CLDN14: variants seen among roughly 807,000 people sequenced by gnomAD.
CLDN14 encodes the protein claudin-14.
Under a neutral mutation model 2.1 loss-of-function variants are expected in CLDN14, and 2 were observed. The observed-to-expected ratio is 0.96, with a 90% CI of 0.39 to 3.01. CLDN14 has a LOEUF of 3.01. Ranked by LOEUF, CLDN14 falls within the 30% of genes most tolerant of loss-of-function variation. The pLI is 0.09. For missense variants in CLDN14, 298 were observed against 328.0 expected (o/e 0.91, Z 0.71); for synonymous variants, 136 against 154.4 (o/e 0.88, Z 0.88).
chr21:36,495,271 G>A (rs759472829), intron 2 of CLDN14, among the ~76,000 whole-genome samples: 18 of 152,346 alleles, frequency 1.2e-4, no homozygotes, highest in South Asian at 4.1e-4. Flanking sequence ...GGAGGTTGCT[G>A]TGAGCCGAGA....
intron 1 of CLDN14, among the ~76,000 whole-genome samples, chr21:36,529,196 C>T (rs1235789145): frequency 6.6e-6 from 1 of 152,174 alleles, no homozygotes; most frequent in Non-Finnish European, 1.5e-5. Context: ...CCGATCTCAA[C>T]TTATATCTAA....
chr21:36,564,642 C>T (rs2087659743), intron 1 of CLDN14, among the ~76,000 whole-genome samples: 1 of 152,134 alleles, frequency 6.6e-6, no homozygotes, highest in Non-Finnish European at 1.5e-5. Context: ...AATTTCCCAC[C>T]AAAGACGCCC....
rs765605373 is a variant in CLDN14, at chr21:36,461,410, C to T, written c.286G>A (p.Ala96Thr). Residue 96 changes from alanine (A) to threonine (T), a missense_variant, in exon 2 of 2, where the codon GCC (alanine) becomes ACC (threonine). Physicochemically the swap from Ala to Thr is moderately conservative, Grantham distance 58 (BLOSUM62 0). Transcript: ENST00000399135. The part of the protein sequence containing the change: ...ISCLLSGIAC[A>T]CAVIGMKCTR... Reference sequence around the variant, plus strand: ...CACTTCATCCCGATGACGGCGCAGGCGCAGGCTATGCCCGAGAGCAGGCAG... The same window carrying T: ...CACTTCATCCCGATGACGGCGCAGGTGCAGGCTATGCCCGAGAGCAGGCAG... 1.1e-5 allele frequency: 18 copies of T among 1,613,054 alleles called. No individual in the cohort carries two copies. The highest frequency in any genetic ancestry group is 4.4e-5 in the South Asian group (4 of 91,084).
chr21:36,560,059 G>A (rs1291457170), intron 1 of CLDN14, among the ~76,000 whole-genome samples: 1 of 152,192 alleles, frequency 6.6e-6, no homozygotes, highest in Admixed American at 6.5e-5. Context: ...AATGTACATA[G>A]TGTAGCAAAT....
At chr21:36,491,949 C>T (rs1036443599) in intron 2 of CLDN14, among the ~76,000 whole-genome samples, 7 of 152,158 alleles carry the variant, frequency 4.6e-5, no homozygotes, top group African/African-American at 1.7e-4. Flanking sequence ...GCAAAACTCA[C>T]GTCCACCCAG....
At chr21:36,556,537 T>C (rs765037691) in intron 1 of CLDN14, among the ~76,000 whole-genome samples, 2 of 152,202 alleles carry the variant, frequency 1.3e-5, no homozygotes, top group Non-Finnish European at 2.9e-5. Context: ...GCAAATTTTC[T>C]AACTCCCTGA....
At chr21:36,572,141 C>T (rs534730164) in intron 1 of CLDN14, among the ~76,000 whole-genome samples, 5 of 152,162 alleles carry the variant, frequency 3.3e-5, no homozygotes, top group African/African-American at 7.2e-5. Flanking sequence ...ATTTTGGTGC[C>T]GATGCTCTCT....
chr21:36,560,619 A>G (rs933850901), intron 1 of CLDN14, among the ~76,000 whole-genome samples: 1 of 152,226 alleles, frequency 6.6e-6, no homozygotes, highest in Non-Finnish European at 1.5e-5. Flanking sequence ...GTAAATGGGT[A>G]GTGATGGTGT....
intron 1 of CLDN14, among the ~76,000 whole-genome samples, chr21:36,539,332 TGTGTGGAGTGA>T: frequency 6.6e-6 from 1 of 151,150 alleles, no homozygotes; most frequent in South Asian, 2.1e-4. Context: ...GTGTGGAGTG[TGTGTGGAGTGA>T]GTGTGTGTGG....
upstream of CLDN14, among the ~76,000 whole-genome samples, chr21:36,484,433 A>G (rs1287870744): frequency 6.6e-6 from 1 of 152,152 alleles, no homozygotes; most frequent in Non-Finnish European, 1.5e-5. Flanking sequence ...GGCTTGAGAC[A>G]ACAGACATTT....
At chr21:36,466,156 T>C (rs1460919117) in intron 1 of CLDN14, among the ~76,000 whole-genome samples, 1 of 152,192 alleles carries the variant, frequency 6.6e-6, no homozygotes, top group Non-Finnish European at 1.5e-5. Context: ...AAATGTCTCA[T>C]GGGCAGCATC....
chr21:36,508,116 G>T (rs1170449018), intron 2 of CLDN14, among the ~76,000 whole-genome samples: 1 of 152,156 alleles, frequency 6.6e-6, no homozygotes, highest in African/African-American at 2.4e-5. Context: ...GCTCTTGGCC[G>T]AAGAGTATTC....
At chr21:36,534,486 C>A (rs1199007775) in intron 1 of CLDN14, among the ~76,000 whole-genome samples, 1 of 152,192 alleles carries the variant, frequency 6.6e-6, no homozygotes, top group Non-Finnish European at 1.5e-5. Context: ...AACTCCCCGT[C>A]ACATCTTCTG....
At chr21:36,502,261 A>G (rs1489029106) in intron 2 of CLDN14, among the ~76,000 whole-genome samples, 1 of 152,232 alleles carries the variant, frequency 6.6e-6, no homozygotes, top group Non-Finnish European at 1.5e-5. Flanking sequence ...CAAAGTTAGC[A>G]AGAGGTAGGG....
intron 1 of CLDN14, among the ~76,000 whole-genome samples, chr21:36,476,846 C>G (rs560278268): frequency 1.3e-5 from 2 of 152,342 alleles, no homozygotes; most frequent in East Asian, 1.9e-4. Context: ...TCCAGAAAAG[C>G]CTGTGATAGT....
At chr21:36,514,654 TGTGTGTGTAG>T (rs1338533492) in intron 1 of CLDN14, among the ~76,000 whole-genome samples, 1,767 of 148,210 alleles carry the variant, frequency 0.012, 30 homozygotes, top group South Asian at 0.033. Flanking sequence ...TGTGTGTGTG[TGTGTGTGTAG>T]AGAGACAGGA....
intron 1 of CLDN14, among the ~76,000 whole-genome samples, chr21:36,470,203 T>C (rs1162060744): frequency 6.6e-6 from 1 of 152,154 alleles, no homozygotes; most frequent in East Asian, 1.9e-4. Context: ...AAGAGATATG[T>C]TGAAGTCTTC....
At chr21:36,482,638 C>T (rs13047046), upstream of CLDN14, among the ~76,000 whole-genome samples, 2,402 of 152,214 alleles carry the variant, frequency 0.016, 27 homozygotes, top group Non-Finnish European at 0.026. Flanking sequence ...TTTGGGTTAC[C>T]GTTTTGGGTC....
intron 1 of CLDN14, among the ~76,000 whole-genome samples, chr21:36,523,421 A>G (rs1057021802): frequency 6.6e-6 from 1 of 152,110 alleles, no homozygotes; most frequent in African/African-American, 2.4e-5. Context: ...CTTTTCAATA[A>G]AAGCAATCTA....
Sources: gnomAD v4.1 joint callset for allele counts (sites outside exome capture counted in the v4.1 genomes callset) on GRCh38, gnomAD v4.1.1 for gene constraint, MANE v1.5 for transcripts, NCBI Gene and HGNC (gene_info 2026-07-23, HGNC 2026-07-21) for gene names.